Variants in CADPS2 observed in about 807,000 individuals in gnomAD.
The protein encoded by CADPS2 is calcium-dependent secretion activator 2.
Under a neutral mutation model 172.5 loss-of-function variants are expected in CADPS2, and 93 were observed. The observed-to-expected ratio is 0.54, with a 90% CI of 0.46 to 0.64. CADPS2 has a LOEUF of 0.64. Ranked by LOEUF, CADPS2 falls within the 30% of genes least tolerant of loss-of-function variation. The pLI is 0.00. For synonymous variants in CADPS2, 546 were observed against 555.2 expected, an observed-to-expected ratio of 0.98 and a Z score of 0.23; for missense variants, 1,420 against 1,565.9, an observed-to-expected ratio of 0.91 and a Z score of 1.57.
chr7:122,584,164 G>C (rs1448944111), intron 6 of CADPS2, among the ~76,000 whole-genome samples: 1 of 151,182 alleles, frequency 6.6e-6, no homozygotes, highest in Non-Finnish European at 1.5e-5. Flanking sequence ...TTTATTATCT[G>C]AAAGAGTTTG....
At chr7:122,750,973 A>C (rs1230255218) in intron 1 of CADPS2, among the ~76,000 whole-genome samples, 2 of 152,168 alleles carry the variant, frequency 1.3e-5, no homozygotes, top group Non-Finnish European at 2.9e-5. Context: ...TGAACCCCTA[A>C]AATTTTTTTT....
intron 8 of CADPS2, among the ~76,000 whole-genome samples, chr7:122,515,728 G>T (rs1252415424): frequency 6.6e-6 from 1 of 151,704 alleles, no homozygotes; most frequent in African/African-American, 2.4e-5. Context: ...TGAAGGTCCT[G>T]CATAAAGAAT....
At chr7:122,820,992 T>C (rs1803089621) in intron 1 of CADPS2, among the ~76,000 whole-genome samples, 1 of 151,926 alleles carries the variant, frequency 6.6e-6, no homozygotes, top group Non-Finnish European at 1.5e-5. Flanking sequence ...CAAAATCTAT[T>C]TTCTTCCTCA....
chr7:122,486,256 GA>G (rs145671569), intron 11 of CADPS2, among the ~76,000 whole-genome samples: 3,178 of 152,206 alleles, frequency 0.021, 118 homozygotes, highest in African/African-American at 0.073. Context: ...AGACATCTGG[GA>G]AAAGTAAATT....
intron 4 of CADPS2, among the ~76,000 whole-genome samples, chr7:122,628,605 C>T (rs2076295794): frequency 1.3e-5 from 2 of 151,238 alleles, no homozygotes; most frequent in African/African-American, 4.9e-5. Context: ...AATAAATTCA[C>T]TAAAGAATGA....
intron 8 of CADPS2, among the ~76,000 whole-genome samples, chr7:122,529,734 T>C (rs1396083396): frequency 1.3e-5 from 2 of 152,090 alleles, no homozygotes; most frequent in Non-Finnish European, 2.9e-5. Context: ...ATGTTATTTT[T>C]CCACAGGAAA....
At chr7:122,663,643 C>A in intron 2 of CADPS2, 74 bp from the exon 3 acceptor site, 2 of 1,054,004 alleles carry the variant, frequency 1.9e-6, no homozygotes, top group Non-Finnish European at 2.7e-6. Flanking sequence ...CACTTGCTTT[C>A]AGCAATCCAG....
chr7:122,867,411 A>C (rs1818588464), intron 1 of CADPS2, among the ~76,000 whole-genome samples: 2 of 152,154 alleles, frequency 1.3e-5, no homozygotes, highest in Admixed American at 1.3e-4. Context: ...TGGGTAGAAA[A>C]AGCTGAGATA....
intron 3 of CADPS2, among the ~76,000 whole-genome samples, chr7:122,647,130 A>C (rs2078647624): frequency 6.6e-6 from 1 of 152,144 alleles, no homozygotes; most frequent in Non-Finnish European, 1.5e-5. Flanking sequence ...GTGCGAAACG[A>C]GGAATTGATC....
chr7:122,809,669 T>C lies in CADPS2; in HGVS notation c.340-72601A>G, dbSNP rs1423668408. Among the ~76,000 whole-genome samples the C allele has an allele frequency of 3.3e-5, 5 of 152,046 alleles. No individual in the cohort carries two copies. In the East Asian group the frequency reaches 5.8e-4, roughly 18 times the overall value. On this transcript the variant is annotated intron_variant, in intron 1 of 29. Transcript: ENST00000449022. ...TTGGTCTAATTTGGCAATTTTATAATGGTCCAAGGAAAGACTAATTATAAG... is the reference window on the plus strand; with the variant it reads ...TTGGTCTAATTTGGCAATTTTATAACGGTCCAAGGAAAGACTAATTATAAG...
intron 1 of CADPS2, among the ~76,000 whole-genome samples, chr7:122,769,604 T>C (rs1196321754): frequency 6.6e-6 from 1 of 152,170 alleles, no homozygotes; most frequent in Admixed American, 6.5e-5. Flanking sequence ...TATTCATCCA[T>C]TTGCTAAAAG....
intron 9 of CADPS2, among the ~76,000 whole-genome samples, chr7:122,507,726 T>G (rs565985529): frequency 1.3e-5 from 2 of 152,272 alleles, no homozygotes; most frequent in East Asian, 3.9e-4. Flanking sequence ...ACGAGGGAAG[T>G]GGAAGCAGAG....
intron 3 of CADPS2, among the ~76,000 whole-genome samples, chr7:122,634,914 G>T (rs1041964678): frequency 6.6e-6 from 1 of 152,052 alleles, no homozygotes; most frequent in Non-Finnish European, 1.5e-5. Context: ...GCTCACCCAG[G>T]ATTTATTCAG....
At position 122,644,095 on chromosome 7, in the gene CADPS2, T is replaced by TGAAGGAAG. The variant is rs71531908; in HGVS notation, c.787-14775_787-14768dup. ...GAAAGAAAAGAAAGGAAGGAAGGAA[T>TGAAGGAAG]GAAGGAAGGAAGGAAGGAAGGAACA... On this transcript the variant is annotated intron_variant, in intron 3 of 29. Transcript: ENST00000449022. Among the ~76,000 whole-genome samples, 1,078 of 146,338 alleles carry TGAAGGAAG rather than the reference T, an allele frequency of 7.4e-3. 13 individuals are homozygous for TGAAGGAAG. The highest frequency in any genetic ancestry group is 0.025 in the African/African-American group (999 of 39,532).
chr7:122,383,660 C>T (rs1393330235), intron 24 of CADPS2, among the ~76,000 whole-genome samples: 2 of 152,000 alleles, frequency 1.3e-5, no homozygotes, highest in African/African-American at 4.8e-5. Flanking sequence ...AGGGAAATCA[C>T]AGGTCAGACA....
At chr7:122,567,952 A>C (rs2132415589) in intron 7 of CADPS2, among the ~76,000 whole-genome samples, 1 of 152,294 alleles carries the variant, frequency 6.6e-6, no homozygotes, top group South Asian at 2.1e-4. Flanking sequence ...ATTCATATTA[A>C]AATATAATTG....
chr7:122,371,780 G>A (rs933955696), intron 25 of CADPS2, among the ~76,000 whole-genome samples: 1 of 152,132 alleles, frequency 6.6e-6, no homozygotes, highest in Non-Finnish European at 1.5e-5. Context: ...TGTGTGATGT[G>A]CTTGAGCAGA....
At chr7:122,547,049 T>C (rs750390046) in intron 8 of CADPS2, among the ~76,000 whole-genome samples, 25 of 151,182 alleles carry the variant, frequency 1.7e-4, no homozygotes, top group Non-Finnish European at 7.4e-5. Flanking sequence ...ATAAAGATAA[T>C]ATGAACGAAG....
At position 122,647,849 on chromosome 7, in the gene CADPS2, A is replaced by C. The variant is rs2078728645; in HGVS notation, c.786+15388T>G. The stretch of plus-strand genomic sequence containing the variant: ...TGAGCCTGACATATAGTGTCAAATA[A>C]ATTTTTTAAAATAAATGATTCAATG... On this transcript the variant is annotated intron_variant, in intron 3 of 29. Transcript: ENST00000449022. 2.6e-5 allele frequency among the ~76,000 whole-genome samples: 4 copies of C among 152,288 alleles called. No individual in the cohort carries two copies. The South Asian group carries it at 8.3e-4, about 32-fold the overall frequency.
Sources: gnomAD v4.1 joint callset for allele counts (sites outside exome capture counted in the v4.1 genomes callset) on GRCh38, gnomAD v4.1.1 for gene constraint, MANE v1.5 for transcripts, NCBI Gene and HGNC (gene_info 2026-07-23, HGNC 2026-07-21) for gene names.